Variants in PRKN observed in about 807,000 individuals in gnomAD.
PRKN encodes parkin RBR E3 ubiquitin protein ligase.
In PRKN, 56 loss-of-function variants were observed where a neutral mutation model predicts 59.5. The observed-to-expected ratio is 0.94, with a 90% CI of 0.76 to 1.18. The LOEUF (loss-of-function observed/expected upper bound fraction) is 1.18, where lower values mean the gene tolerates loss of function less well. Ranked by LOEUF, PRKN falls within the 50% of genes most tolerant of loss-of-function variation. The probability of loss-of-function intolerance (pLI) is 0.00; values close to 1 mark genes in which losing one functional copy is unlikely to be tolerated. For missense variants in PRKN, 657 were observed against 596.4 expected (o/e 1.10, Z -1.06); for synonymous variants, 250 against 222.1 (o/e 1.13, Z -1.12).
At chr6:162,007,768 C>T (rs536711975) in intron 5 of PRKN, among the ~76,000 whole-genome samples, 2 of 152,236 alleles carry the variant, frequency 1.3e-5, no homozygotes, top group East Asian at 3.9e-4. Flanking sequence ...GGTTCCAAAT[C>T]AATTCGAATT....
intron 6 of PRKN, among the ~76,000 whole-genome samples, chr6:161,819,224 A>G (rs771054217): frequency 6.6e-6 from 1 of 152,174 alleles, no homozygotes; most frequent in Non-Finnish European, 1.5e-5. Flanking sequence ...CAGGCCAGGC[A>G]TGTGGGCTCA....
At chr6:162,261,586 T>G (rs1779890326) in intron 3 of PRKN, among the ~76,000 whole-genome samples, 1 of 152,088 alleles carries the variant, frequency 6.6e-6, no homozygotes, top group African/African-American at 2.4e-5. Flanking sequence ...TTTTCCCCAT[T>G]TTTGACATTT....
At position 161,386,653 on chromosome 6, in the gene PRKN, C is replaced by T. The variant is rs866928200; in HGVS notation, c.1167+141G>A. The T allele has an allele frequency of 1.1e-5, 8 of 741,512 alleles. No homozygotes were observed. Among genetic ancestry groups the T allele is most frequent in the African/African-American group, 5.2e-5 (3 of 58,188 alleles). The allele number at this position is 741,512 out of a possible 1,614,324, so 45.9% of individuals were successfully genotyped here. ...AGGGGAGTCATTCTGGGAGAAGCCA[C>T]GGCCCCATTCCCATGGCTGTCAGCT... On this transcript the variant is annotated intron_variant, in intron 10 of 11. Coordinates refer to ENST00000366898, the MANE Select transcript of PRKN (RefSeq NM_004562.3). This position sits in a 1 kb window ranked among gnomAD's most constrained non-coding sequence, Gnocchi z 4.3.
At chr6:162,236,602 A>G (rs1466778645) in intron 3 of PRKN, among the ~76,000 whole-genome samples, 3 of 149,386 alleles carry the variant, frequency 2.0e-5, no homozygotes, top group Non-Finnish European at 4.4e-5. Flanking sequence ...CCTGGCCAAC[A>G]TGGTGAAACT....
Position 161,410,322 on chromosome 6 carries a change from C to T in PRKN, c.1084-23445G>A, listed in dbSNP as rs975284706. Among the ~76,000 whole-genome samples, 4 of 152,126 alleles carry T rather than the reference C, an allele frequency of 2.6e-5. No individual in the cohort carries two copies. Among genetic ancestry groups the T allele is most frequent in the African/African-American group, 9.7e-5 (4 of 41,414 alleles). On this transcript the variant is annotated intron_variant, in intron 9 of 11. Coordinates refer to ENST00000366898, the MANE Select transcript of PRKN (RefSeq NM_004562.3). This position sits in a 1 kb window ranked among gnomAD's most constrained non-coding sequence, Gnocchi z 5.3. ...ATCTGGGAGTGGTGGTTGATGTGAGCGCCATGCTGAGCCCCGCTCATACCC... is the reference window on the plus strand; with the variant it reads ...ATCTGGGAGTGGTGGTTGATGTGAGTGCCATGCTGAGCCCCGCTCATACCC...
intron 10 of PRKN, among the ~76,000 whole-genome samples, chr6:161,380,426 CTTTT>C (rs977152868): frequency 3.4e-5 from 4 of 117,960 alleles, no homozygotes; most frequent in Non-Finnish European, 1.7e-5. Context: ...CCAAGTCTAT[CTTTT>C]TTTTTTTTTT....
At chr6:161,489,409 A>T (rs1429115662) in intron 9 of PRKN, among the ~76,000 whole-genome samples, 1 of 152,022 alleles carries the variant, frequency 6.6e-6, no homozygotes, top group Non-Finnish European at 1.5e-5. Flanking sequence ...AAAATACAAA[A>T]ATTAGCCAGG....
chr6:162,299,560 T>C (rs1781846402), intron 2 of PRKN, among the ~76,000 whole-genome samples: 1 of 152,114 alleles, frequency 6.6e-6, no homozygotes, highest in African/African-American at 2.4e-5. Context: ...TTCATTATCA[T>C]TATTGTGAAC....
At chr6:162,279,047 T>C (rs886850498) in intron 2 of PRKN, among the ~76,000 whole-genome samples, 1 of 152,102 alleles carries the variant, frequency 6.6e-6, no homozygotes. Flanking sequence ...ATCAGAAATG[T>C]TGGCGAGGTG....
intron 1 of PRKN, among the ~76,000 whole-genome samples, chr6:162,523,790 G>A (rs1778167035): frequency 6.6e-6 from 1 of 152,162 alleles, no homozygotes; most frequent in Non-Finnish European, 1.5e-5. Context: ...GCTGAGGTGG[G>A]AGGATTGCTT....
intron 6 of PRKN, among the ~76,000 whole-genome samples, chr6:161,823,206 G>A (rs1032022734): frequency 6.6e-6 from 1 of 151,764 alleles, no homozygotes; most frequent in African/African-American, 2.4e-5. Flanking sequence ...CAAAGTATTG[G>A]GATTGCAGGT....
At chr6:162,631,985 T>TAAAAA (rs766901063) in intron 1 of PRKN, among the ~76,000 whole-genome samples, 4 of 117,218 alleles carry the variant, frequency 3.4e-5, no homozygotes, top group Non-Finnish European at 7.4e-5. Flanking sequence ...TATTAAAAAG[T>TAAAAA]AAAAAAAAAA....
At chr6:161,798,764 G>T (rs1466219506) in intron 6 of PRKN, among the ~76,000 whole-genome samples, 1 of 152,194 alleles carries the variant, frequency 6.6e-6, no homozygotes, top group Admixed American at 6.5e-5. Flanking sequence ...ATAGCTTTTA[G>T]TTTTAAGGCT....
At chr6:162,521,148 G>T (rs1042372579) in intron 1 of PRKN, among the ~76,000 whole-genome samples, 1 of 152,100 alleles carries the variant, frequency 6.6e-6, no homozygotes, top group Non-Finnish European at 1.5e-5. Context: ...ATTTCAATCA[G>T]AATTGTCACT....
chr6:162,050,520 C>G (rs1777589510), intron 5 of PRKN, among the ~76,000 whole-genome samples: 1 of 150,938 alleles, frequency 6.6e-6, no homozygotes, highest in African/African-American at 2.4e-5. Context: ...TCAGTTCTAT[C>G]CCTTGAATGG....
intron 1 of PRKN, among the ~76,000 whole-genome samples, chr6:162,623,748 TATTTTA>T: frequency 6.6e-6 from 1 of 152,302 alleles, no homozygotes; most frequent in South Asian, 2.1e-4. Context: ...TCTCTATTTT[TATTTTA>T]AAACAGTGAT....
rs1781800835 is a variant in PRKN, at chr6:161,593,543, C to A, written c.872-24127G>T. Among the ~76,000 whole-genome samples the A allele has an allele frequency of 6.6e-6, 1 of 152,070 alleles. No homozygotes were observed. The highest frequency in any genetic ancestry group is 6.5e-5 in the Admixed American group (1 of 15,268). ...GCAGCGGTCAGGTGGGAGGTGATGG[C>A]ACCTGGGGGCTGGAAGGTGAGGCCA... On this transcript the variant is annotated intron_variant, in intron 7 of 11. Coordinates refer to ENST00000366898, the MANE Select transcript of PRKN (RefSeq NM_004562.3). This position sits in a 1 kb window ranked among gnomAD's most constrained non-coding sequence, Gnocchi z 4.8.
chr6:162,282,794 T>C (rs1450106386), intron 2 of PRKN, among the ~76,000 whole-genome samples: 1 of 152,184 alleles, frequency 6.6e-6, no homozygotes, highest in African/African-American at 2.4e-5. Flanking sequence ...CATTAACTTA[T>C]TGGGTACACA....
intron 2 of PRKN, among the ~76,000 whole-genome samples, chr6:162,408,936 CT>C (rs1788208200): frequency 6.6e-6 from 1 of 150,600 alleles, no homozygotes; most frequent in Admixed American, 6.6e-5. Context: ...CCCCTCCCAG[CT>C]TTCCCTCTGC....
Sources: allele counts gnomAD v4.1 joint callset (sites outside exome capture counted in the v4.1 genomes callset), GRCh38; gene constraint gnomAD v4.1.1; non-coding constraint Gnocchi (gnomAD v3.1); transcripts MANE v1.5; gene names NCBI Gene and HGNC (gene_info 2026-07-23, HGNC 2026-07-21).